SUGCT: variants seen among roughly 807,000 people sequenced by gnomAD.
SUGCT encodes succinyl-CoA:glutarate-CoA transferase, also known as succinyl-CoA:glutarate CoA-transferase.
In SUGCT, 41 loss-of-function variants were observed where a neutral mutation model predicts 55.0. The observed-to-expected ratio is 0.74, with a 90% CI of 0.58 to 0.97. The LOEUF (loss-of-function observed/expected upper bound fraction) is 0.97, where lower values mean the gene tolerates loss of function less well. Ranked by LOEUF, SUGCT falls within the 50% of genes least tolerant of loss-of-function variation. The pLI, the probability that SUGCT is intolerant of heterozygous loss-of-function variation, is 0.00. For synonymous variants in SUGCT, 187 were observed against 200.4 expected (o/e 0.93, Z 0.56); for missense variants, 568 against 547.8 (o/e 1.04, Z -0.37).
At chr7:40,138,857 T>A (rs974544766) in intron 1 of SUGCT, among the ~76,000 whole-genome samples, 1 of 152,192 alleles carries the variant, frequency 6.6e-6, no homozygotes, top group Non-Finnish European at 1.5e-5. Context: ...ATTCTAGCAA[T>A]ATACAAACTA....
intron 9 of SUGCT, among the ~76,000 whole-genome samples, chr7:40,343,758 G>A (rs755448236): frequency 2.0e-5 from 3 of 152,050 alleles, no homozygotes; most frequent in Non-Finnish European, 4.4e-5. Context: ...CCGGGTTCAC[G>A]CCATTCTCCT....
chr7:40,369,957 T>C (rs1466333480), intron 9 of SUGCT, among the ~76,000 whole-genome samples: 4 of 152,140 alleles, frequency 2.6e-5, no homozygotes, highest in African/African-American at 7.2e-5. Context: ...GGTGGTATGA[T>C]ACTGAAGAGA....
chr7:40,315,871 C>T (rs552871810), intron 8 of SUGCT, among the ~76,000 whole-genome samples: 1 of 152,148 alleles, frequency 6.6e-6, no homozygotes, highest in Non-Finnish European at 1.5e-5. Context: ...CACCTCCTTT[C>T]CATAGTTCTG....
At chr7:41,002,649 G>T in the SUGCT span, among the ~76,000 whole-genome samples, 2 of 152,170 alleles carry the variant, frequency 1.3e-5, no homozygotes, top group Admixed American at 1.3e-4. Flanking sequence ...GCAATGTTTA[G>T]CTGCACTGGG....
intron 9 of SUGCT, among the ~76,000 whole-genome samples, chr7:40,411,401 C>G (rs1165236378): frequency 6.6e-6 from 1 of 152,050 alleles, no homozygotes; most frequent in Non-Finnish European, 1.5e-5. Context: ...TCAAAACAAA[C>G]AAACAAAAAG....
chr7:40,773,732 A>C (rs1488554181), intron 13 of SUGCT, among the ~76,000 whole-genome samples: 1 of 152,196 alleles, frequency 6.6e-6, no homozygotes, highest in Non-Finnish European at 1.5e-5. Flanking sequence ...TGTTTTTGTC[A>C]TTCCGTTTGA....
chr7:40,609,136 C>A (rs1584118187), intron 12 of SUGCT, among the ~76,000 whole-genome samples: 1 of 152,232 alleles, frequency 6.6e-6, no homozygotes, highest in East Asian at 1.9e-4. Flanking sequence ...TATTTAACCT[C>A]TTTGAGCCCT....
intron 13 of SUGCT, chr7:40,775,851 A>G (rs1274833726): frequency 6.6e-6 from 1 of 152,256 alleles, no homozygotes; most frequent in East Asian, 1.9e-4. Context: ...AGCTCCATAT[A>G]GGTTTTGAAC....
At chr7:40,153,709 C>A in intron 1 of SUGCT, 1 of 495,412 alleles carries the variant, frequency 2.0e-6, no homozygotes, top group Non-Finnish European at 4.1e-6. Flanking sequence ...TGATAATAAT[C>A]CTCTGGTTGT....
At position 40,282,085 on chromosome 7, in the gene SUGCT, C is replaced by T. The variant is rs140643996; in HGVS notation, c.720+7429C>T. ...TGCTGGGATTACAGGCATGAGCCAC[C>T]GCACCCAGCCTGAATATCCAGTTTT... On this transcript the variant is annotated intron_variant, in intron 8 of 13. Transcript: ENST00000335693. Among the ~76,000 whole-genome samples, 761 of 152,198 alleles carry T rather than the reference C, an allele frequency of 5.0e-3. 5 individuals are homozygous for T. Among genetic ancestry groups the T allele is most frequent in the African/African-American group, 0.018 (733 of 41,528 alleles).
chr7:40,208,166 T>A lies in SUGCT; in HGVS notation c.484+13106T>A, dbSNP rs569787801. 5.6e-4 allele frequency among the ~76,000 whole-genome samples: 86 copies of A among 152,244 alleles called. 1 individual carries two copies. The highest frequency in any genetic ancestry group is 5.0e-3 in the South Asian group (24 of 4,828). ...ATAGAGACAGGAAGTAAAATGGTAGTTGCTAGAGGTTGGGAGGAAGGAGAG... is the reference window on the plus strand; with the variant it reads ...ATAGAGACAGGAAGTAAAATGGTAGATGCTAGAGGTTGGGAGGAAGGAGAG... On this transcript the variant is annotated intron_variant, in intron 6 of 13. Transcript: ENST00000335693.
chr7:40,660,796 C>T (rs1303792856), intron 12 of SUGCT, among the ~76,000 whole-genome samples: 7 of 152,172 alleles, frequency 4.6e-5, no homozygotes, highest in Admixed American at 4.6e-4. Context: ...CTGATTCTGC[C>T]TTTCCAAGAA....
In SUGCT at chr7:40,242,923, A is replaced by ATG. The variant is rs1562604984; in HGVS notation, c.576+5198_576+5199insGT. On this transcript the variant is annotated intron_variant, in intron 7 of 13. Transcript: ENST00000335693. ...CTATGTGGCATATATATATATATAT[A>ATG]TATATATATATTTTTTTTTTTTTTT... is the stretch of plus-strand genomic sequence containing the variant. Among the ~76,000 whole-genome samples, 169 of 25,296 alleles carry ATG rather than the reference A, an allele frequency of 6.7e-3. 9 individuals carry two copies. Among genetic ancestry groups the ATG allele is most frequent in the African/African-American group, 0.022 (158 of 7,236 alleles). 16.6% of individuals were successfully genotyped at this position (25,296 alleles called of 152,430 possible). A position where few individuals can be genotyped will look rare whatever the true frequency, so the allele number is the denominator to read the frequency against.
intron 8 of SUGCT, among the ~76,000 whole-genome samples, chr7:40,313,883 C>T (rs998269869): frequency 6.6e-6 from 1 of 151,946 alleles, no homozygotes; most frequent in African/African-American, 2.4e-5. Context: ...TGAGCCACTG[C>T]TCCTGGCCCA....
the SUGCT span, among the ~76,000 whole-genome samples, chr7:40,976,078 G>T: frequency 2.0e-5 from 3 of 152,184 alleles, no homozygotes; most frequent in Non-Finnish European, 4.4e-5. Flanking sequence ...GGTCAGGGTT[G>T]GATGGTTCAA....
intron 7 of SUGCT, among the ~76,000 whole-genome samples, chr7:40,263,493 G>T (rs778781690): frequency 2.6e-5 from 4 of 152,064 alleles, no homozygotes; most frequent in Non-Finnish European, 4.4e-5. Context: ...TTGATTTGGG[G>T]TCTCATCTTG....
the SUGCT span, among the ~76,000 whole-genome samples, chr7:40,880,409 G>A: frequency 6.6e-6 from 1 of 152,158 alleles, no homozygotes; most frequent in African/African-American, 2.4e-5. Flanking sequence ...CTCTGTTGAT[G>A]TCAGCCTGAT....
chr7:40,580,268 A>G (rs1010219427), intron 12 of SUGCT, among the ~76,000 whole-genome samples: 1 of 152,182 alleles, frequency 6.6e-6, no homozygotes, highest in Non-Finnish European at 1.5e-5. Flanking sequence ...ACATTTATCT[A>G]TCTCTTGATC....
At chr7:40,889,656 C>T in the SUGCT span, among the ~76,000 whole-genome samples, 2 of 152,152 alleles carry the variant, frequency 1.3e-5, no homozygotes, top group Non-Finnish European at 2.9e-5. Flanking sequence ...CAAATTATCT[C>T]ATCACCAATC....
Sources: allele counts gnomAD v4.1 joint callset (sites outside exome capture counted in the v4.1 genomes callset), GRCh38; gene constraint gnomAD v4.1.1; transcripts MANE v1.5; gene names NCBI Gene and HGNC (gene_info 2026-07-23, HGNC 2026-07-21).